Variants in NELL1 observed in about 807,000 individuals in gnomAD.
NELL1 encodes the protein neural EGFL like 1, also known as protein kinase C-binding protein NELL1.
Under a neutral mutation model 107.4 loss-of-function variants are expected in NELL1, and 76 were observed. The ratio of observed to expected loss-of-function variants is 0.71; its 90% confidence interval spans 0.59 to 0.86. The LOEUF is 0.86. Ranked by LOEUF, NELL1 falls within the 40% of genes least tolerant of loss-of-function variation. The pLI is 0.00. For missense variants in NELL1, 1,024 were observed against 1,005.5 expected (o/e 1.02, Z -0.25); for synonymous variants, 353 against 341.2 (o/e 1.03, Z -0.38).
chr11:21,293,997 A>C (rs957513796), intron 14 of NELL1, among the ~76,000 whole-genome samples: 3 of 152,160 alleles, frequency 2.0e-5, no homozygotes, highest in Admixed American at 6.5e-5. Flanking sequence ...TGATGAGTGC[A>C]GCAAACCACT....
intron 13 of NELL1, among the ~76,000 whole-genome samples, chr11:21,226,075 C>G (rs1857885054): frequency 6.6e-6 from 1 of 152,118 alleles, no homozygotes; most frequent in Admixed American, 6.6e-5. Flanking sequence ...TTTGCAGCAT[C>G]CTTGGCAACT....
chr11:20,895,599 C>T (rs530572742), intron 5 of NELL1, among the ~76,000 whole-genome samples: 2 of 151,502 alleles, frequency 1.3e-5, no homozygotes, highest in South Asian at 4.2e-4. Context: ...TCCGCCCCTC[C>T]AGGTTTAAGC....
intron 14 of NELL1, among the ~76,000 whole-genome samples, chr11:21,314,457 A>C (rs563177376): frequency 6.6e-6 from 1 of 152,196 alleles, no homozygotes; most frequent in Non-Finnish European, 1.5e-5. Flanking sequence ...GAGTATAATG[A>C]GATAGTAGAA....
At chr11:21,174,396 T>G (rs1356550429) in intron 13 of NELL1, among the ~76,000 whole-genome samples, 5 of 151,894 alleles carry the variant, frequency 3.3e-5, no homozygotes, top group African/African-American at 1.2e-4. Context: ...CTAGTAGCAC[T>G]TATAGTGGTG....
chr11:21,387,009 T>A (rs1322470314), intron 15 of NELL1, among the ~76,000 whole-genome samples: 1 of 151,812 alleles, frequency 6.6e-6, no homozygotes, highest in African/African-American at 2.4e-5. Context: ...ACCAACATCC[T>A]TCACCCCACA....
At chr11:20,968,007 C>A (rs1281558026) in intron 12 of NELL1, among the ~76,000 whole-genome samples, 1 of 152,134 alleles carries the variant, frequency 6.6e-6, no homozygotes, top group Non-Finnish European at 1.5e-5. Flanking sequence ...ACCTGGGAGG[C>A]CCTTCACTCA....
intron 13 of NELL1, among the ~76,000 whole-genome samples, chr11:21,127,292 T>C (rs1855507708): frequency 6.6e-6 from 1 of 151,818 alleles, no homozygotes; most frequent in Non-Finnish European, 1.5e-5. Context: ...ATTAAGAAAT[T>C]TAGAAGAATA....
intron 14 of NELL1, among the ~76,000 whole-genome samples, chr11:21,279,558 T>C (rs1848945093): frequency 1.3e-5 from 2 of 152,166 alleles, no homozygotes; most frequent in South Asian, 4.1e-4. Flanking sequence ...TGACATACAC[T>C]ACACACCTAT....
At position 20,669,976 on chromosome 11, in the gene NELL1, T is replaced by A. The variant is rs1853855771; in HGVS notation, c.55+198T>A. On this transcript the variant is annotated intron_variant, in intron 1 of 19. Transcript: ENST00000357134. This position sits in a 1 kb window ranked among gnomAD's most constrained non-coding sequence, Gnocchi z 4.4. ...CTCACGGGCTTGAAGATGTCCCCGT[T>A]GAGTGCCCCTTCTCAGGGGACCCGG... Among the ~76,000 whole-genome samples the A allele has an allele frequency of 6.6e-6, 1 of 152,156 alleles. No individual in the cohort carries two copies. The highest frequency in any genetic ancestry group is 2.1e-4 in the South Asian group (1 of 4,832).
At chr11:21,154,913 G>A (rs1436018787) in intron 13 of NELL1, among the ~76,000 whole-genome samples, 1 of 152,188 alleles carries the variant, frequency 6.6e-6, no homozygotes, top group African/African-American at 2.4e-5. Flanking sequence ...GCATAAACAA[G>A]CTTGTATTGT....
intron 14 of NELL1, among the ~76,000 whole-genome samples, chr11:21,306,173 T>A (rs2133634237): frequency 6.6e-6 from 1 of 152,106 alleles, no homozygotes; most frequent in East Asian, 1.9e-4. Context: ...GATATCACAC[T>A]CAGAATTCTA....
intron 8 of NELL1, 39 bp from the exon 9 acceptor site, chr11:20,928,338 A>G: frequency 6.5e-7 from 1 of 1,547,646 alleles, no homozygotes; most frequent in Non-Finnish European, 8.9e-7. Flanking sequence ...CTATCAAAGG[A>G]TACTTCTGAG....
intron 5 of NELL1, among the ~76,000 whole-genome samples, chr11:20,906,722 A>G (rs1850007126): frequency 6.6e-6 from 1 of 152,116 alleles, no homozygotes; most frequent in Non-Finnish European, 1.5e-5. Context: ...CCACATTAAT[A>G]GAATAAAGGA....
chr11:20,840,369 C>G (rs1287154701), intron 3 of NELL1, among the ~76,000 whole-genome samples: 2 of 152,204 alleles, frequency 1.3e-5, no homozygotes, highest in East Asian at 1.9e-4. Flanking sequence ...AAAACTTTTG[C>G]TCACAGTTTC....
intron 17 of NELL1, among the ~76,000 whole-genome samples, chr11:21,564,203 A>G (rs1057423865): frequency 6.6e-6 from 1 of 152,024 alleles, no homozygotes. Flanking sequence ...GAAGCTAACT[A>G]GAAAGAAATC....
intron 15 of NELL1, among the ~76,000 whole-genome samples, chr11:21,510,341 T>C (rs1170441862): frequency 6.6e-6 from 1 of 152,176 alleles, no homozygotes; most frequent in Non-Finnish European, 1.5e-5. Flanking sequence ...AGAAGTGCTC[T>C]GTGGAATTTG....
Position 21,336,672 on chromosome 11 carries a change from T to TACACACACACACAC in NELL1, c.1550-34180_1550-34179insCACACACACACACA, listed in dbSNP as rs368167297. On this transcript the variant is annotated intron_variant, in intron 14 of 19. Transcript: ENST00000357134. Reference sequence around the variant, plus strand: ...GTGTGTATATATATATATATATATATATACACACACACACACACATTAAAC... The same window carrying TACACACACACACAC: ...GTGTGTATATATATATATATATATATACACACACACACACATACACACACACACACACATTAAAC... Among the ~76,000 whole-genome samples, 751 of 106,242 alleles carry TACACACACACACAC rather than the reference T, an allele frequency of 7.1e-3. 6 individuals are homozygous for TACACACACACACAC. Among genetic ancestry groups the TACACACACACACAC allele is most frequent in the East Asian group, 0.018 (65 of 3,672 alleles). 69.7% of individuals were successfully genotyped at this position (106,242 alleles called of 152,430 possible).
At chr11:20,930,378 ATAT>A (rs1308048866) in intron 9 of NELL1, among the ~76,000 whole-genome samples, 1 of 152,106 alleles carries the variant, frequency 6.6e-6, no homozygotes, top group Non-Finnish European at 1.5e-5. Flanking sequence ...TCACTTAAAT[ATAT>A]TATTATGTTT....
intron 10 of NELL1, 110 bp downstream of exon 10, chr11:20,937,969 G>A (rs1352081068): frequency 9.1e-6 from 9 of 984,310 alleles, no homozygotes; most frequent in Non-Finnish European, 1.4e-5. Flanking sequence ...AGGGCCCCGA[G>A]GGGTGGAACT....
Sources: gnomAD v4.1 joint callset for allele counts (sites outside exome capture counted in the v4.1 genomes callset) on GRCh38, gnomAD v4.1.1 for gene constraint, Gnocchi (gnomAD v3.1) non-coding constraint, MANE v1.5 for transcripts, NCBI Gene and HGNC (gene_info 2026-07-23, HGNC 2026-07-21) for gene names.